Variants in CACNA1C observed in about 807,000 individuals in gnomAD.
The protein encoded by CACNA1C is calcium voltage-gated channel subunit alpha1 C.
In CACNA1C, 30 loss-of-function variants were observed where a neutral mutation model predicts 229.0. That is an observed-to-expected ratio of 0.13 (90% CI 0.10 to 0.18). The LOEUF (loss-of-function observed/expected upper bound fraction) is 0.18. Among genes scored for constraint, CACNA1C ranks in the 10% least tolerant of loss-of-function variants. The pLI is 1.00. For missense variants in CACNA1C, 1,658 were observed against 2,845.0 expected, an observed-to-expected ratio of 0.58 and a Z score of 9.49; for synonymous variants, 1,114 against 1,132.5, an observed-to-expected ratio of 0.98 and a Z score of 0.33.
In CACNA1C at chr12:2,677,608, G is replaced by T; in HGVS notation, c.4957-125G>T. The T allele has an allele frequency of 1.8e-6, 2 of 1,096,896 alleles. No homozygotes were observed. Among genetic ancestry groups the T allele is most frequent in the Non-Finnish European group, 1.3e-6 (1 of 752,144 alleles). The allele number at this position is 1,096,896 out of a possible 1,614,324, so 67.9% of individuals were successfully genotyped here. On this transcript the variant is annotated intron_variant, in intron 40 of 46. Coordinates refer to ENST00000399655, the MANE Select transcript of CACNA1C (RefSeq NM_000719.7). The surrounding 1 kb of genome is among the most constrained non-coding windows in gnomAD (Gnocchi z 7.4). ...TCACACACACACAAACCTTCCGGAG[G>T]GTCGACTGGCTGGGTGGAGGATGCC... is the stretch of plus-strand genomic sequence containing the variant.
At chr12:2,468,890 T>C (rs144427365) in intron 5 of CACNA1C, among the ~76,000 whole-genome samples, 1 of 152,252 alleles carries the variant, frequency 6.6e-6, no homozygotes, top group Non-Finnish European at 1.5e-5. Flanking sequence ...CCTAGAGTAT[T>C]AGCCTTTAGA....
In CACNA1C at chr12:2,070,157, C is replaced by T. The variant is rs148404638; in HGVS notation, c.49+16546C>T. Among the ~76,000 whole-genome samples the T allele has an allele frequency of 4.6e-3, 693 of 152,158 alleles. 4 individuals carry two copies. Among genetic ancestry groups the T allele is most frequent in the African/African-American group, 0.016 (645 of 41,506 alleles). ...CATTAAGAAAGAATGTCTTGGGGGT[C>T]GAGCGGGAAGAGTATAAAAGAGCCT... On this transcript the variant is annotated intron_variant, in intron 1 of 46. Coordinates refer to ENST00000399655, the MANE Select transcript of CACNA1C (RefSeq NM_000719.7).
At chr12:2,159,523 T>A (rs573995027) in intron 3 of CACNA1C, among the ~76,000 whole-genome samples, 1 of 151,816 alleles carries the variant, frequency 6.6e-6, no homozygotes, top group South Asian at 2.1e-4. Context: ...ATTAAATGTA[T>A]GCATAAGAGA....
intron 1 of CACNA1C, chr12:1,991,110 C>T (rs2039295081): frequency 1.3e-5 from 6 of 456,020 alleles, no homozygotes; most frequent in Non-Finnish European, 2.6e-5. Flanking sequence ...AATATGCATC[C>T]CAAAGGCTAC....
intron 3 of CACNA1C, among the ~76,000 whole-genome samples, chr12:2,377,724 T>C (rs1362784398): frequency 1.3e-5 from 2 of 152,054 alleles, no homozygotes; most frequent in Admixed American, 1.3e-4. Context: ...CTGAGTAAAG[T>C]GAGGTTCACA....
At position 2,651,782 on chromosome 12, in the gene CACNA1C, A is replaced by G. The variant is rs371806132; in HGVS notation, c.4074+14A>G. ...AAGTCCTTCCAGGTAGCCGCCCCTC[A>G]TGTCCTGCGGCCCGGGGAATCGCAG... On this transcript the variant is annotated intron_variant, in intron 32 of 46. Transcript: ENST00000399655. The surrounding 1 kb of genome is among the most constrained non-coding windows in gnomAD (Gnocchi z 5.4). 1.3e-4 allele frequency: 206 copies of G among 1,579,518 alleles called. No homozygotes were observed. The African/African-American group carries it at 2.7e-3, about 20-fold the overall frequency.
intron 3 of CACNA1C, among the ~76,000 whole-genome samples, chr12:2,156,154 C>T (rs1020907541): frequency 6.6e-6 from 1 of 152,046 alleles, no homozygotes. Flanking sequence ...CACATACATA[C>T]GTGGCAAAAG....
intron 37 of CACNA1C, chr12:2,668,384 G>A (rs1294987915): frequency 2.0e-5 from 3 of 152,514 alleles, no homozygotes; most frequent in African/African-American, 7.2e-5. Context: ...AATGCTTCAG[G>A]GAGCATTCAC....
intron 3 of CACNA1C, among the ~76,000 whole-genome samples, chr12:2,192,821 G>A (rs1479829083): frequency 6.6e-6 from 1 of 152,110 alleles, no homozygotes; most frequent in Non-Finnish European, 1.5e-5. Flanking sequence ...TGTAGTGTGT[G>A]ATGGGGAGCG....
intron 3 of CACNA1C, among the ~76,000 whole-genome samples, chr12:2,172,008 C>T (rs763594974): frequency 2.6e-5 from 4 of 152,116 alleles, no homozygotes; most frequent in Admixed American, 1.3e-4. Context: ...GTCTCTGAAC[C>T]GAGCTGTGGG....
intron 38 of CACNA1C, among the ~76,000 whole-genome samples, chr12:2,670,843 G>A (rs1014616763): frequency 6.6e-6 from 1 of 151,232 alleles, no homozygotes; most frequent in African/African-American, 2.4e-5. Flanking sequence ...GACAGAGTGA[G>A]GCTCCATCTG....
chr12:2,090,518 A>G (rs1239726815), intron 1 of CACNA1C, among the ~76,000 whole-genome samples: 1 of 151,930 alleles, frequency 6.6e-6, no homozygotes, highest in Non-Finnish European at 1.5e-5. Context: ...GGGTTTCACC[A>G]TGTTGGCCAG....
chr12:2,565,816 C>T (rs538914269), intron 11 of CACNA1C, among the ~76,000 whole-genome samples: 2 of 152,324 alleles, frequency 1.3e-5, no homozygotes, highest in East Asian at 3.9e-4. Context: ...TCCAGATGAA[C>T]CCCTTCTACC....
intron 3 of CACNA1C, among the ~76,000 whole-genome samples, chr12:2,120,794 T>G (rs2086339847): frequency 6.6e-6 from 1 of 151,878 alleles, no homozygotes; most frequent in South Asian, 2.1e-4. Flanking sequence ...TTGTGTTGTA[T>G]TTCCTTTGAA....
Position 2,633,475 on chromosome 12 carries a change from GGTGCTCCT to G in CACNA1C, c.3829-820_3829-813del, listed in dbSNP as rs1456023123. On this transcript the variant is annotated intron_variant, in intron 29 of 46. Transcript: ENST00000399655. This position sits in a 1 kb window ranked among gnomAD's most constrained non-coding sequence, Gnocchi z 5.8. ...GCCTCCCTGCTGCTCCTTCCTTGCTGGTGCTCCTGGGCTCCTGGCCATGGTGAGGGCGT... is the reference window on the plus strand; with the variant it reads ...GCCTCCCTGCTGCTCCTTCCTTGCTGGGGCTCCTGGCCATGGTGAGGGCGT... Among the ~76,000 whole-genome samples the G allele has an allele frequency of 6.6e-6, 1 of 152,166 alleles. No individual in the cohort carries two copies. The highest frequency in any genetic ancestry group is 1.5e-5 in the Non-Finnish European group (1 of 68,026).
chr12:2,690,553 C>T (rs536907142), intron 46 of CACNA1C, among the ~76,000 whole-genome samples: 39 of 152,284 alleles, frequency 2.6e-4, no homozygotes, highest in African/African-American at 8.7e-4. Flanking sequence ...GGCCTGGTCT[C>T]GAACTCCTGG....
chr12:2,406,408 T>C (rs1021131681), intron 3 of CACNA1C, among the ~76,000 whole-genome samples: 3 of 152,240 alleles, frequency 2.0e-5, no homozygotes, highest in Non-Finnish European at 1.5e-5. Context: ...GCATTTGTTA[T>C]AATCCCACAG....
intron 3 of CACNA1C, among the ~76,000 whole-genome samples, chr12:2,145,190 T>C (rs1462161650): frequency 6.6e-6 from 1 of 151,388 alleles, no homozygotes; most frequent in African/African-American, 2.4e-5. Flanking sequence ...TATTTCCCCC[T>C]GTAGCTAGCC....
chr12:1,997,063 T>A (rs2041103186), intron 1 of CACNA1C, among the ~76,000 whole-genome samples: 1 of 152,206 alleles, frequency 6.6e-6, no homozygotes. Flanking sequence ...ATACATAATG[T>A]ATGTCTCTAT....
Sources: allele counts gnomAD v4.1 joint callset (sites outside exome capture counted in the v4.1 genomes callset), GRCh38; gene constraint gnomAD v4.1.1; non-coding constraint Gnocchi (gnomAD v3.1); transcripts MANE v1.5; gene names NCBI Gene and HGNC (gene_info 2026-07-23, HGNC 2026-07-21).